Variants in DAP3 observed in about 807,000 individuals in gnomAD.
DAP3 encodes death associated protein 3.
In DAP3, 28 loss-of-function variants were observed where a neutral mutation model predicts 51.9. That is an observed-to-expected ratio of 0.54 (90% CI 0.40 to 0.74). The LOEUF is 0.74. DAP3 is among the 30% of genes least tolerant of loss of function. The probability of loss-of-function intolerance (pLI) is 0.00; values close to 1 mark genes in which losing one functional copy is unlikely to be tolerated. For synonymous variants in DAP3, 170 were observed against 170.3 expected (o/e 1.00, Z 0.01); for missense variants, 458 against 483.5 (o/e 0.95, Z 0.49).
At chr1:155,691,977 C>A (rs945470473) in intron 1 of DAP3, among the ~76,000 whole-genome samples, 1 of 141,732 alleles carries the variant, frequency 7.1e-6, no homozygotes, top group Non-Finnish European at 1.5e-5. Flanking sequence ...GAGTTCTGAT[C>A]TCCACACTGT....
At chr1:155,711,596 T>TTA (rs1656723575) in intron 2 of DAP3, among the ~76,000 whole-genome samples, 1 of 151,722 alleles carries the variant, frequency 6.6e-6, no homozygotes, top group South Asian at 2.1e-4. Context: ...TTTTTTTTTT[T>TTA]ACTAGTTTGG....
chr1:155,698,183 G>A (rs1041544052), intron 1 of DAP3, among the ~76,000 whole-genome samples: 3 of 152,134 alleles, frequency 2.0e-5, no homozygotes, highest in African/African-American at 4.8e-5. Flanking sequence ...GTCCTCAGGC[G>A]ATATACATCC....
At chr1:155,726,282 C>T in intron 6 of DAP3, 1 of 201,364 alleles carries the variant, frequency 5.0e-6, no homozygotes, top group South Asian at 1.1e-4. Flanking sequence ...CCACGCCCAG[C>T]TAATTTTTTT....
intron 1 of DAP3, among the ~76,000 whole-genome samples, chr1:155,704,786 C>A (rs2149133630): frequency 1.3e-5 from 2 of 151,994 alleles, no homozygotes; most frequent in South Asian, 4.2e-4. Context: ...TTGAGAACAG[C>A]CTAGCCAACA....
intron 1 of DAP3, among the ~76,000 whole-genome samples, chr1:155,692,992 G>T (rs1284690815): frequency 1.4e-5 from 2 of 141,684 alleles, no homozygotes; most frequent in Non-Finnish European, 2.9e-5. Flanking sequence ...AGCTGTGACT[G>T]CAATAAGGCC....
intron 11 of DAP3, among the ~76,000 whole-genome samples, chr1:155,732,511 G>C (rs377260219): frequency 6.6e-6 from 1 of 152,022 alleles, no homozygotes; most frequent in Non-Finnish European, 1.5e-5. Flanking sequence ...GATTATAGGC[G>C]TGAGCCACGG....
intron 3 of DAP3, among the ~76,000 whole-genome samples, chr1:155,717,759 A>T (rs1290290279): frequency 6.6e-6 from 1 of 152,146 alleles, no homozygotes; most frequent in African/African-American, 2.4e-5. Context: ...TTGTAAGTGG[A>T]TTTCCTAGGG....
At chr1:155,726,182 C>T (rs1358227273) in intron 6 of DAP3, 163 bp downstream of exon 6, 9 of 496,398 alleles carry the variant, frequency 1.8e-5, no homozygotes, top group East Asian at 3.7e-5. Context: ...GGCGCAATCT[C>T]AGGTCACCGC....
rs59071816 is a variant in DAP3, at chr1:155,718,353, T to A, written c.168+1225T>A. On this transcript the variant is annotated intron_variant, in intron 3 of 12. Coordinates refer to ENST00000368336, the MANE Select transcript of DAP3 (RefSeq NM_004632.4). ...GTGAGCCAAGATCGCGCCACTGCAC[T>A]CCAGGCTGGGCAAGAGAGCAAGACT... 5.6e-3 allele frequency among the ~76,000 whole-genome samples: 853 copies of A among 151,914 alleles called. 7 individuals are homozygous for A. Among genetic ancestry groups the A allele is most frequent in the African/African-American group, 0.019 (806 of 41,376 alleles).
intron 1 of DAP3, 39 bp downstream of exon 1, chr1:155,689,213 G>A: frequency 8.5e-6 from 6 of 701,910 alleles, no homozygotes; most frequent in African/African-American, 1.7e-5. Flanking sequence ...TACCGCTGAG[G>A]GAAAGGAGCG....
At chr1:155,707,466 T>TAA (rs1656149159) in intron 1 of DAP3, among the ~76,000 whole-genome samples, 1 of 152,114 alleles carries the variant, frequency 6.6e-6, no homozygotes, top group South Asian at 2.1e-4. Flanking sequence ...ACATAGACAT[T>TAA]TAATTCAGTT....
At chr1:155,687,975 C>T (rs1354360062), upstream of DAP3, 1 of 1,353,874 alleles carries the variant, frequency 7.4e-7, no homozygotes, top group African/African-American at 1.5e-5. Context: ...CCCAGAGGTC[C>T]AGGTCCGGGA....
chr1:155,688,744 A>C, upstream of DAP3: 3 of 1,489,238 alleles, frequency 2.0e-6, no homozygotes, highest in East Asian at 2.6e-5. Context: ...AACCGCCGCC[A>C]AAGCAGCCGC....
rs941597083 is a variant in DAP3, at chr1:155,725,721, G to A, written c.380-206G>A. Among the ~76,000 whole-genome samples the A allele has an allele frequency of 2.4e-4, 36 of 152,156 alleles. No individual in the cohort carries two copies. Among genetic ancestry groups the A allele is most frequent in the African/African-American group, 4.6e-4 (19 of 41,438 alleles). ...TTACTAAAAATGCAATATATTAGCC[G>A]GGTGTGGTAGCGTGCACCTGTAATC... On this transcript the variant is annotated intron_variant, in intron 5 of 12. Coordinates refer to ENST00000368336, the MANE Select transcript of DAP3 (RefSeq NM_004632.4).
Position 155,736,026 on chromosome 1 carries a change from A to C in DAP3, c.994-920A>C, listed in dbSNP as rs541405923. Among the ~76,000 whole-genome samples, 3 of 150,594 alleles carry C rather than the reference A, an allele frequency of 2.0e-5. No homozygotes were observed. The South Asian group carries it at 6.3e-4, about 32-fold the overall frequency. ...CCAGCTAATTTTTGTAATTTAGTAG[A>C]GATGGGGTTTCACCATATTGGCCAG... On this transcript the variant is annotated intron_variant, in intron 11 of 12. Coordinates refer to ENST00000368336, the MANE Select transcript of DAP3 (RefSeq NM_004632.4).
intron 1 of DAP3, among the ~76,000 whole-genome samples, chr1:155,701,192 T>C (rs1655231590): frequency 1.0e-5 from 1 of 98,220 alleles, no homozygotes; most frequent in Non-Finnish European, 1.9e-5. Flanking sequence ...CAACAGCTCA[T>C]TGAGAACGGG....
At chr1:155,711,084 T>G (rs1333647383) in intron 2 of DAP3, among the ~76,000 whole-genome samples, 1 of 151,912 alleles carries the variant, frequency 6.6e-6, no homozygotes, top group African/African-American at 2.4e-5. Context: ...CCCCCTTCCC[T>G]CAGGCCTATA....
upstream of DAP3, chr1:155,688,023 C>T: frequency 1.3e-6 from 2 of 1,524,882 alleles, no homozygotes; most frequent in Non-Finnish European, 1.8e-6. Flanking sequence ...GATTCAATCG[C>T]TGAGAGAGTG....
chr1:155,724,054 A>T (rs1658293450), intron 4 of DAP3, among the ~76,000 whole-genome samples: 1 of 152,084 alleles, frequency 6.6e-6, no homozygotes, highest in South Asian at 2.1e-4. Flanking sequence ...AAAAAAAAAA[A>T]AATTAACACT....
Sources: gnomAD v4.1 joint callset for allele counts (sites outside exome capture counted in the v4.1 genomes callset) on GRCh38, gnomAD v4.1.1 for gene constraint, MANE v1.5 for transcripts, NCBI Gene and HGNC (gene_info 2026-07-23, HGNC 2026-07-21) for gene names.